SOX6: variants seen among roughly 807,000 people sequenced by gnomAD.
The protein encoded by SOX6 is SRY-box transcription factor 6.
A neutral mutation model predicts 97.8 loss-of-function variants in SOX6; 11 were observed. That is an observed-to-expected ratio of 0.11 (90% CI 0.07 to 0.19). The LOEUF (loss-of-function observed/expected upper bound fraction) is 0.19. Among genes scored for constraint, SOX6 ranks in the 10% least tolerant of loss-of-function variants. SOX6 has a pLI of 1.00. For synonymous variants in SOX6, 360 were observed against 371.4 expected (o/e 0.97, Z 0.35); for missense variants, 810 against 1,039.5 (o/e 0.78, Z 3.04).
chr11:16,546,911 C>A (rs773920163), intron 4 of SOX6, among the ~76,000 whole-genome samples: 1 of 151,780 alleles, frequency 6.6e-6, no homozygotes, highest in Non-Finnish European at 1.5e-5. Context: ...AACTGCAAAA[C>A]CAAAAAATAA....
chr11:16,122,973 G>A (rs1849528885), intron 6 of SOX6, among the ~76,000 whole-genome samples: 1 of 152,004 alleles, frequency 6.6e-6, no homozygotes, highest in Admixed American at 6.6e-5. Flanking sequence ...TTTTGGCCCT[G>A]CTGTGGTCTA....
At chr11:16,290,160 G>C (rs763609227) in intron 3 of SOX6, among the ~76,000 whole-genome samples, 1 of 151,668 alleles carries the variant, frequency 6.6e-6, no homozygotes, top group Non-Finnish European at 1.5e-5. Context: ...CTTCCTCTAG[G>C]GCCATGAATC....
At chr11:16,435,044 TAA>T (rs1200719072) in intron 1 of SOX6, among the ~76,000 whole-genome samples, 2 of 152,168 alleles carry the variant, frequency 1.3e-5, no homozygotes, top group African/African-American at 2.4e-5. Context: ...AGTTGAAACT[TAA>T]AGTTATTATT....
chr11:16,276,931 G>C (rs1255504124), intron 3 of SOX6, among the ~76,000 whole-genome samples: 1 of 152,154 alleles, frequency 6.6e-6, no homozygotes, highest in Non-Finnish European at 1.5e-5. Context: ...ATTAAATGAG[G>C]TAACATTTTT....
chr11:16,588,163 C>T (rs948380341), intron 4 of SOX6, among the ~76,000 whole-genome samples: 1 of 152,182 alleles, frequency 6.6e-6, no homozygotes, highest in South Asian at 2.1e-4. Context: ...GCATTTGTCA[C>T]TTTAGAAGGC....
At chr11:16,668,414 T>C (rs1273350323) in intron 3 of SOX6, among the ~76,000 whole-genome samples, 1 of 151,298 alleles carries the variant, frequency 6.6e-6, no homozygotes, top group Non-Finnish European at 1.5e-5. Context: ...ACACAAAAAA[T>C]AAAAAGCAAG....
intron 4 of SOX6, among the ~76,000 whole-genome samples, chr11:16,209,767 A>G (rs973315174): frequency 5.9e-5 from 9 of 152,110 alleles, no homozygotes; most frequent in African/African-American, 2.2e-4. Flanking sequence ...AAAAGAAAAA[A>G]TTATATATAT....
At chr11:16,172,189 T>A (rs1851058807) in intron 6 of SOX6, among the ~76,000 whole-genome samples, 1 of 151,894 alleles carries the variant, frequency 6.6e-6, no homozygotes. Context: ...GGAAAAGGTG[T>A]TATGTGCTAT....
chr11:16,003,604 G>A (rs185321217), intron 13 of SOX6, among the ~76,000 whole-genome samples: 51 of 152,120 alleles, frequency 3.4e-4, no homozygotes, highest in Middle Eastern at 3.4e-3. Flanking sequence ...ATGGCATAAG[G>A]TAAATACTCA....
chr11:16,190,414 A>G (rs971803660), intron 4 of SOX6, among the ~76,000 whole-genome samples: 1 of 152,240 alleles, frequency 6.6e-6, no homozygotes, highest in Non-Finnish European at 1.5e-5. Flanking sequence ...TTTTAAAATA[A>G]TAACAACACA....
intron 3 of SOX6, among the ~76,000 whole-genome samples, chr11:16,273,234 G>A (rs1383438597): frequency 6.6e-6 from 1 of 151,898 alleles, no homozygotes; most frequent in Non-Finnish European, 1.5e-5. Context: ...TGATGTGCGT[G>A]AGTCAACAAA....
intron 1 of SOX6, among the ~76,000 whole-genome samples, chr11:16,470,006 C>T (rs1277496358): frequency 6.6e-6 from 1 of 152,014 alleles, no homozygotes; most frequent in East Asian, 1.9e-4. Context: ...TTCAGATTAG[C>T]AAACTCCTTT....
intron 13 of SOX6, among the ~76,000 whole-genome samples, chr11:16,011,498 C>T (rs1026854429): frequency 2.0e-5 from 3 of 152,064 alleles, no homozygotes; most frequent in Non-Finnish European, 4.4e-5. Context: ...TTCTGTTTTC[C>T]TTGCCTATGG....
intron 1 of SOX6, among the ~76,000 whole-genome samples, chr11:16,458,894 G>T (rs1380615134): frequency 6.6e-6 from 1 of 152,068 alleles, no homozygotes; most frequent in Non-Finnish European, 1.5e-5. Context: ...TAACTTCAGT[G>T]AGTTAAGAAG....
chr11:16,177,428 A>C (rs1851223333), intron 6 of SOX6, among the ~76,000 whole-genome samples: 1 of 152,010 alleles, frequency 6.6e-6, no homozygotes, highest in Admixed American at 6.6e-5. Flanking sequence ...TATTTGCTTA[A>C]GATTTTAATT....
chr11:16,478,075 C>T (rs1415121501), upstream of SOX6, among the ~76,000 whole-genome samples: 1 of 152,204 alleles, frequency 6.6e-6, no homozygotes, highest in African/African-American at 2.4e-5. Flanking sequence ...ACCATCCTCA[C>T]GTGCTATCCC....
intron 3 of SOX6, among the ~76,000 whole-genome samples, chr11:16,658,461 C>G (rs1179707520): frequency 1.3e-5 from 2 of 152,126 alleles, no homozygotes; most frequent in African/African-American, 4.8e-5. Context: ...GTAATCCCAG[C>G]ACTTTGGGAG....
intron 6 of SOX6, among the ~76,000 whole-genome samples, chr11:16,146,757 C>T (rs1454749423): frequency 1.3e-5 from 2 of 152,090 alleles, no homozygotes; most frequent in Non-Finnish European, 2.9e-5. Context: ...AAAAAATGCT[C>T]ATCATCACTG....
chr11:16,112,350 T>C (rs1456744223), intron 6 of SOX6, among the ~76,000 whole-genome samples: 1 of 152,174 alleles, frequency 6.6e-6, no homozygotes, highest in African/African-American at 2.4e-5. Context: ...CAGAAAATAA[T>C]GTCTAATTAA....
Sources: allele counts gnomAD v4.1 joint callset (sites outside exome capture counted in the v4.1 genomes callset), GRCh38; gene constraint gnomAD v4.1.1; transcripts MANE v1.5; gene names NCBI Gene and HGNC (gene_info 2026-07-23, HGNC 2026-07-21).